ARHGEF7: variants seen among roughly 807,000 people sequenced by gnomAD.
The protein encoded by ARHGEF7 is PAK-interacting exchange factor beta.
Under a neutral mutation model 109.8 loss-of-function variants are expected in ARHGEF7, and 33 were observed. The ratio of observed to expected loss-of-function variants is 0.30; its 90% CI spans 0.23 to 0.40. The LOEUF is 0.40. Ranked by LOEUF, ARHGEF7 falls within the 10% of genes least tolerant of loss-of-function variation. ARHGEF7 has a pLI of 1.00. For missense variants in ARHGEF7, 938 were observed against 1,098.5 expected (o/e 0.85, Z 2.07); for synonymous variants, 458 against 424.6 (o/e 1.08, Z -0.97).
intron 7 of ARHGEF7, 80 bp from the exon 8 acceptor site, chr13:111,244,119 A>C: frequency 7.9e-7 from 1 of 1,267,278 alleles, no homozygotes; most frequent in East Asian, 2.4e-5. Flanking sequence ...TAAGACTTCA[A>C]TAGGACATTG....
intron 2 of ARHGEF7, among the ~76,000 whole-genome samples, chr13:111,197,747 CA>C (rs1235155418): frequency 2.6e-5 from 4 of 152,178 alleles, no homozygotes; most frequent in Admixed American, 6.5e-5. Context: ...CCCCCTATGA[CA>C]GGGCTTTGGG....
Position 111,275,607 on chromosome 13 carries a change from G to A in ARHGEF7, c.1348G>A (p.Gly450Ser). The stretch of plus-strand genomic sequence containing the variant: ...GACGGAAGCCATCCGGAACTGGGAG[G>A]GCGATGACATTAAAACTCTGGGCAA... ...ILTEAIRNWE[G>S]DDIKTLGNVT... is the part of the protein sequence containing the mutation. Residue 450 changes from glycine (G) to serine (S), a missense_variant, in exon 12 of 22, where the codon GGC becomes AGC. Transcript: ENST00000646102. 6.2e-7 allele frequency: 1 copy of A among 1,614,132 alleles called. No homozygotes were observed.
At chr13:111,158,955 A>G (rs1046518651) in intron 2 of ARHGEF7, 1 of 714,564 alleles carries the variant, frequency 1.4e-6, no homozygotes, top group Non-Finnish European at 2.6e-6. Flanking sequence ...ACAATAGATC[A>G]CTAAAATTTA....
At chr13:111,244,772 A>C (rs1437077058) in intron 8 of ARHGEF7, among the ~76,000 whole-genome samples, 2 of 152,224 alleles carry the variant, frequency 1.3e-5, no homozygotes, top group Non-Finnish European at 2.9e-5. Flanking sequence ...TTGGATTGTG[A>C]ATTTTAAATC....
chr13:111,253,724 A>G (rs536381562), intron 8 of ARHGEF7, among the ~76,000 whole-genome samples: 41 of 152,274 alleles, frequency 2.7e-4, no homozygotes, highest in African/African-American at 9.6e-4. Flanking sequence ...TGCTTGGGGC[A>G]GCTGCGACCA....
chr13:111,259,207 G>A (rs185920633), intron 8 of ARHGEF7, among the ~76,000 whole-genome samples: 38 of 152,296 alleles, frequency 2.5e-4, no homozygotes, highest in African/African-American at 7.5e-4. Flanking sequence ...GCCACCTGCC[G>A]ATTGTAGTGC....
At chr13:111,199,992 T>C (rs1472481211) in intron 2 of ARHGEF7, among the ~76,000 whole-genome samples, 1 of 152,242 alleles carries the variant, frequency 6.6e-6, no homozygotes, top group African/African-American at 2.4e-5. Context: ...CATACAGTTG[T>C]CACCCACTCT....
chr13:111,202,212 G>T (rs775815381), intron 2 of ARHGEF7, among the ~76,000 whole-genome samples: 12 of 152,210 alleles, frequency 7.9e-5, no homozygotes, highest in Non-Finnish European at 1.8e-4. Flanking sequence ...GCCTGTGTGG[G>T]GTAGTGCAGG....
In ARHGEF7 at chr13:111,273,725, A is replaced by G; in HGVS notation, c.1074-89A>G. ...GTTAAAAGCAACACTTATGTTTCAT[A>G]AATTCTGGCTGTTGCTCATGGAGAT... On this transcript the variant is annotated intron_variant, in intron 9 of 21. Transcript: ENST00000646102. This position sits in a 1 kb window ranked among gnomAD's most constrained non-coding sequence, Gnocchi z 4.5. The G allele has an allele frequency of 6.5e-7, 1 of 1,546,336 alleles. No homozygotes were observed. Among genetic ancestry groups the G allele is most frequent in the Non-Finnish European group, 8.9e-7 (1 of 1,125,290 alleles).
intron 5 of ARHGEF7, among the ~76,000 whole-genome samples, chr13:111,225,588 A>T (rs905657786): frequency 6.6e-6 from 1 of 150,994 alleles, no homozygotes; most frequent in Non-Finnish European, 1.5e-5. Flanking sequence ...CCATGTGCCC[A>T]CTTGTCCCAG....
intron 18 of ARHGEF7, among the ~76,000 whole-genome samples, chr13:111,288,923 A>T (rs72653564): frequency 0.11 from 16,755 of 152,238 alleles, 1,239 homozygotes; most frequent in Middle Eastern, 0.2. Context: ...GCTTTTAAAA[A>T]TTTTTTGGAA....
rs565064663 is a variant in ARHGEF7 at position 111,266,378 on chromosome 13, C to T, written c.951-1170C>T. Among the ~76,000 whole-genome samples the T allele has an allele frequency of 7.2e-5, 11 of 152,096 alleles. No individual in the cohort carries two copies. The South Asian group carries it at 1.0e-3, about 14-fold the overall frequency. On this transcript the variant is annotated intron_variant, in intron 8 of 21. Coordinates refer to ENST00000646102, the MANE Select transcript of ARHGEF7 (RefSeq NM_001354046.2). This position sits in a 1 kb window ranked among gnomAD's most constrained non-coding sequence, Gnocchi z 4.8. Reference sequence around the variant, plus strand: ...GCCTCGGTCTTCTTTTGGCCTGTGTCGACGCTCGTGGACACCTTCGCTCTT... The same window carrying T: ...GCCTCGGTCTTCTTTTGGCCTGTGTTGACGCTCGTGGACACCTTCGCTCTT...
intron 2 of ARHGEF7, among the ~76,000 whole-genome samples, chr13:111,165,935 G>C (rs946384316): frequency 1.3e-5 from 2 of 152,184 alleles, no homozygotes; most frequent in East Asian, 3.8e-4. Context: ...TGAGATTAGG[G>C]CTGGGGAGAA....
intron 3 of ARHGEF7, among the ~76,000 whole-genome samples, chr13:111,207,626 A>G (rs945080301): frequency 6.6e-6 from 1 of 152,178 alleles, no homozygotes; most frequent in Non-Finnish European, 1.5e-5. Context: ...TTTGAATTTC[A>G]TTGTAGATGT....
chr13:111,149,441 A>G (rs965732677), intron 1 of ARHGEF7, among the ~76,000 whole-genome samples: 9 of 152,234 alleles, frequency 5.9e-5, no homozygotes, highest in Non-Finnish European at 1.2e-4. Context: ...TGTAGAGTCA[A>G]TTATCATTAT....
chr13:111,291,992 A>G (rs572557281), intron 18 of ARHGEF7, 126 bp from the exon 19 acceptor site: 23 of 769,600 alleles, frequency 3.0e-5, no homozygotes, highest in Non-Finnish European at 4.3e-5. Flanking sequence ...TTTTAACACT[A>G]TTTTCTCTTT....
rs564135474 is a variant in ARHGEF7 at position 111,299,060 on chromosome 13, A to G, written c.2312-1688A>G. Among the ~76,000 whole-genome samples the G allele has an allele frequency of 3.9e-5, 6 of 152,260 alleles. No individual in the cohort carries two copies. In the East Asian group the frequency reaches 1.2e-3, roughly 29 times the overall value. Reference sequence around the variant, plus strand: ...ATCTTATCTTCTTATGCCCGCGAGGATGAAGGAGCAGTGTCTTGATTTTGT... The same window carrying G: ...ATCTTATCTTCTTATGCCCGCGAGGGTGAAGGAGCAGTGTCTTGATTTTGT... On this transcript the variant is annotated intron_variant, in intron 19 of 21. Coordinates refer to ENST00000646102, the MANE Select transcript of ARHGEF7 (RefSeq NM_001354046.2).
chr13:111,287,239 A>T (rs2093058228), intron 17 of ARHGEF7, among the ~76,000 whole-genome samples: 1 of 152,180 alleles, frequency 6.6e-6, no homozygotes, highest in South Asian at 2.1e-4. Flanking sequence ...AGGGCCCCTG[A>T]TGAGATGGTG....
At position 111,115,458 on chromosome 13, in the gene ARHGEF7, C is replaced by A; in HGVS notation, c.-69C>A. On this transcript the variant is annotated 5_prime_UTR_variant, in exon 1 of 22. Coordinates refer to ENST00000646102, the MANE Select transcript of ARHGEF7 (RefSeq NM_001354046.2). ...GAGGCGGCGGCGGCGGCGGCGGGGG[C>A]CGCGGGCCGGGCCGCCGCTCCGAGG... 1.0e-6 allele frequency: 1 copy of A among 979,696 alleles called. No individual in the cohort carries two copies. The allele number at this position is 979,696 out of a possible 1,614,324, so 60.7% of individuals were successfully genotyped here.
Sources: gnomAD v4.1 joint callset for allele counts (sites outside exome capture counted in the v4.1 genomes callset) on GRCh38, gnomAD v4.1.1 for gene constraint, Gnocchi (gnomAD v3.1) non-coding constraint, MANE v1.5 for transcripts, NCBI Gene and HGNC (gene_info 2026-07-23, HGNC 2026-07-21) for gene names.